The following ANKFN1 variants were observed in gnomAD, a reference collection of about 807,000 sequenced individuals.
ANKFN1 encodes the protein ankyrin repeat and fibronectin type-III domain-containing protein 1.
ANKFN1 carries 74 observed loss-of-function variants against 108.7 expected under a neutral mutation model. The ratio of observed to expected loss-of-function variants is 0.68; its 90% CI spans 0.56 to 0.83. ANKFN1 has a LOEUF of 0.83. Among genes scored for constraint, ANKFN1 ranks in the 40% least tolerant of loss-of-function variants. The probability of loss-of-function intolerance (pLI) is 0.00; values close to 1 mark genes in which losing one functional copy is unlikely to be tolerated. For missense variants in ANKFN1, 1,505 were observed against 1,382.3 expected (o/e 1.09, Z -1.41); for synonymous variants, 547 against 516.2 (o/e 1.06, Z -0.81).
At chr17:56,049,449 G>A (rs1288656048) in intron 4 of ANKFN1, among the ~76,000 whole-genome samples, 2 of 151,676 alleles carry the variant, frequency 1.3e-5, no homozygotes, top group Non-Finnish European at 2.9e-5. Context: ...GTGCAGGTTA[G>A]TTACATATGT....
At chr17:56,451,193 A>T (rs77417870) in intron 11 of ANKFN1, among the ~76,000 whole-genome samples, 2,755 of 152,324 alleles carry the variant, frequency 0.018, 53 homozygotes, top group East Asian at 0.092. Context: ...AATATACTTT[A>T]GAATATTAAA....
chr17:56,213,425 C>T (rs939552435), intron 2 of ANKFN1, among the ~76,000 whole-genome samples: 6 of 152,142 alleles, frequency 3.9e-5, no homozygotes, highest in African/African-American at 1.2e-4. Flanking sequence ...ACAATCTCCT[C>T]CTAGACAGAG....
chr17:56,418,570 A>G (rs925386689), intron 8 of ANKFN1, among the ~76,000 whole-genome samples: 6 of 152,162 alleles, frequency 3.9e-5, no homozygotes, highest in Non-Finnish European at 7.3e-5. Context: ...CATTTAATAT[A>G]TATGCGATAA....
chr17:56,164,353 C>T lies in ANKFN1; in HGVS notation c.-71+10823C>T, dbSNP rs529003368. Among the ~76,000 whole-genome samples, 7 of 152,242 alleles carry T rather than the reference C, an allele frequency of 4.6e-5. No individual in the cohort carries two copies. The South Asian group carries it at 1.2e-3, about 27-fold the overall frequency. The stretch of plus-strand genomic sequence containing the variant: ...CTCAGTCAGATGCCCTTCCTCAACA[C>T]GCCATAGTTCGCTGCCCATCTCTAC... On this transcript the variant is annotated intron_variant, in intron 1 of 20. Transcript: ENST00000682825.
rs75135617 is a variant in ANKFN1, at chr17:56,372,859, T to C, written c.796+19T>C. Reference sequence around the variant, plus strand: ...CATGCCAGTGAGTATAAGCAGAAAATGTCTACATTTCACTAGACTGAGCCT... The same window carrying C: ...CATGCCAGTGAGTATAAGCAGAAAACGTCTACATTTCACTAGACTGAGCCT... On this transcript the variant is annotated intron_variant, in intron 7 of 20. Transcript: ENST00000682825. 2 of 1,601,318 alleles carry C rather than the reference T, an allele frequency of 1.2e-6. No homozygotes were observed. Among genetic ancestry groups the C allele is most frequent in the East Asian group, 4.5e-5 (2 of 44,732 alleles).
At chr17:56,136,065 C>G (rs1336613058) in intron 4 of ANKFN1, among the ~76,000 whole-genome samples, 5 of 152,078 alleles carry the variant, frequency 3.3e-5, no homozygotes. Context: ...AAAAGAACCC[C>G]ATTATTATTC....
intron 4 of ANKFN1, among the ~76,000 whole-genome samples, chr17:56,336,458 C>T (rs1423562121): frequency 2.6e-5 from 4 of 152,014 alleles, no homozygotes; most frequent in South Asian, 2.1e-4. Flanking sequence ...AGGGTGTATG[C>T]GGCCAGGAAT....
At chr17:56,087,642 T>A (rs1336839441) in intron 4 of ANKFN1, among the ~76,000 whole-genome samples, 1 of 151,332 alleles carries the variant, frequency 6.6e-6, no homozygotes, top group Non-Finnish European at 1.5e-5. Flanking sequence ...CCCCTCCCAG[T>A]CCTTGAGGGT....
chr17:56,053,852 G>A (rs1904819140), intron 4 of ANKFN1, among the ~76,000 whole-genome samples: 2 of 152,020 alleles, frequency 1.3e-5, no homozygotes, highest in Admixed American at 1.3e-4. Context: ...AATTAATGAG[G>A]AAAAAAGGTA....
chr17:56,419,169 G>A (rs2048326210), intron 8 of ANKFN1, among the ~76,000 whole-genome samples: 1 of 152,158 alleles, frequency 6.6e-6, no homozygotes, highest in Non-Finnish European at 1.5e-5. Context: ...CTTCTCCATG[G>A]CCCTGCCATG....
intron 4 of ANKFN1, among the ~76,000 whole-genome samples, chr17:56,145,507 C>T (rs1908203954): frequency 6.6e-6 from 1 of 152,084 alleles, no homozygotes; most frequent in Non-Finnish European, 1.5e-5. Flanking sequence ...GATTGAGTGT[C>T]AAGTGAAGGG....
chr17:56,351,696 A>T (rs1024911592), intron 5 of ANKFN1, among the ~76,000 whole-genome samples: 1 of 152,192 alleles, frequency 6.6e-6, no homozygotes, highest in African/African-American at 2.4e-5. Context: ...GACCTTGTAG[A>T]TGTCATAGTG....
chr17:56,488,280 G>A (rs1343873567), intron 18 of ANKFN1, among the ~76,000 whole-genome samples: 1 of 152,158 alleles, frequency 6.6e-6, no homozygotes, highest in Non-Finnish European at 1.5e-5. Flanking sequence ...CTTGGTGGGG[G>A]TATAGAAGAG....
chr17:56,336,838 C>T (rs1428395459), intron 4 of ANKFN1, among the ~76,000 whole-genome samples: 1 of 152,156 alleles, frequency 6.6e-6, no homozygotes, highest in Non-Finnish European at 1.5e-5. Flanking sequence ...ATCTCTCCTG[C>T]TTTCTCTTGT....
intron 1 of ANKFN1, chr17:56,206,572 T>C (rs1358669554): frequency 1.3e-5 from 2 of 152,172 alleles, no homozygotes; most frequent in Non-Finnish European, 2.9e-5. Context: ...ATCACAGTGT[T>C]ATCTGGGTGA....
chr17:56,132,565 T>C (rs1056017400), intron 4 of ANKFN1, among the ~76,000 whole-genome samples: 1 of 152,006 alleles, frequency 6.6e-6, no homozygotes, highest in Admixed American at 6.5e-5. Context: ...GCAAACAGAG[T>C]AGGTCATTGG....
chr17:56,301,767 A>G (rs989029543), intron 3 of ANKFN1, among the ~76,000 whole-genome samples: 1 of 152,248 alleles, frequency 6.6e-6, no homozygotes, highest in Non-Finnish European at 1.5e-5. Context: ...TGTCTGTAGA[A>G]CATGAACACC....
intron 1 of ANKFN1, among the ~76,000 whole-genome samples, chr17:56,173,132 G>T (rs1164862373): frequency 2.0e-5 from 3 of 152,188 alleles, no homozygotes; most frequent in Non-Finnish European, 4.4e-5. Context: ...TGTAGTTTTA[G>T]AATGATGTCC....
At chr17:56,306,439 A>C (rs2044828914) in intron 3 of ANKFN1, among the ~76,000 whole-genome samples, 1 of 152,224 alleles carries the variant, frequency 6.6e-6, no homozygotes, top group Non-Finnish European at 1.5e-5. Context: ...AATAACAGAC[A>C]AACAGAGAGC....
Sources: gnomAD v4.1 joint callset for allele counts (sites outside exome capture counted in the v4.1 genomes callset) on GRCh38, gnomAD v4.1.1 for gene constraint, MANE v1.5 for transcripts, NCBI Gene and HGNC (gene_info 2026-07-23, HGNC 2026-07-21) for gene names.